Variants in PTGR1 observed in about 807,000 individuals in gnomAD.
The protein encoded by PTGR1 is 15-oxoprostaglandin 13-reductase.
PTGR1 carries 23 observed loss-of-function variants against 37.7 expected under a neutral mutation model. The ratio of observed to expected loss-of-function variants is 0.61; its 90% confidence interval spans 0.44 to 0.86. The LOEUF is 0.86. PTGR1 is among the 40% of genes least tolerant of loss of function. The pLI, the probability that PTGR1 is intolerant of heterozygous loss-of-function variation, is 0.00. For synonymous variants in PTGR1, 134 were observed against 140.0 expected, an observed-to-expected ratio of 0.96 and a Z score of 0.30; for missense variants, 351 against 394.3, an observed-to-expected ratio of 0.89 and a Z score of 0.93.
At position 111,574,762 on chromosome 9, in the gene PTGR1, T is replaced by A. The variant is rs528897016; in HGVS notation, c.732A>T (p.Thr244=). The stretch of plus-strand genomic sequence containing the variant: ...GGGGAAGTGGGCCGGTTCTGTTATA[T>A]GTAGAGATGGCTCCACATATGGCAA... ...GRIAICGAIS[T]YNRTGPLPPG... is the part of the protein sequence containing the mutation. The change falls in exon 8 of 10, where the codon ACA becomes ACT. Residue 244 remains threonine (T), a synonymous_variant. Transcript: ENST00000407693. The A allele has an allele frequency of 1.2e-6, 2 of 1,613,992 alleles. No homozygotes were observed. Among genetic ancestry groups the A allele is most frequent in the South Asian group, 2.2e-5 (2 of 91,058 alleles).
At chr9:111,568,946 A>C (rs1379264760) in intron 9 of PTGR1, among the ~76,000 whole-genome samples, 2 of 152,252 alleles carry the variant, frequency 1.3e-5, no homozygotes, top group African/African-American at 4.8e-5. Context: ...GAATCTCCTT[A>C]GAGATTAGAC....
intron 6 of PTGR1, 113 bp downstream of exon 6, chr9:111,583,359 A>G (rs1346390224): frequency 2.4e-6 from 2 of 839,484 alleles, no homozygotes; most frequent in Non-Finnish European, 3.9e-6. Context: ...TCCAACTTCT[A>G]AAGAAGACAA....
chr9:111,582,096 T>C (rs1829298682), intron 6 of PTGR1, among the ~76,000 whole-genome samples: 1 of 151,648 alleles, frequency 6.6e-6, no homozygotes. Flanking sequence ...ACAAAGAAAA[T>C]ATCACAGAAA....
rs753685667 is a variant in PTGR1, at chr9:111,586,122, C to T, written c.253G>A (p.Val85Ile). Residue 85 changes from valine (V) to isoleucine (I), a missense_variant, in exon 5 of 10, where the codon GTA (valine) becomes ATA (isoleucine). By Grantham distance (29) the Val-to-Ile change is conservative. Transcript: ENST00000407693. ...KNVALPKGTIVLASPGWTTHS... is the reference protein window; with the variant it reads ...KNVALPKGTIILASPGWTTHS... ...GTTGTCCAGCCTGGAGAAGCCAGTA[C>T]AATAGTTCCTTTTGGTAGGGCTACA... 3.1e-6 allele frequency: 5 copies of T among 1,614,018 alleles called. No individual in the cohort carries two copies. The highest frequency in any genetic ancestry group is 1.3e-5 in the African/African-American group (1 of 74,914).
rs376150269 is a variant in PTGR1 at position 111,581,282 on chromosome 9, G to A, written c.495+2190C>T. Among the ~76,000 whole-genome samples, 164 of 152,196 alleles carry A rather than the reference G, an allele frequency of 1.1e-3. 2 individuals are homozygous for A. Among genetic ancestry groups the A allele is most frequent in the African/African-American group, 3.8e-3 (159 of 41,526 alleles). ...AGAGCATACAAGAATAGTCCTAAGGGAAACAGAATGAACATATACCATTCC... is the reference window on the plus strand; with the variant it reads ...AGAGCATACAAGAATAGTCCTAAGGAAAACAGAATGAACATATACCATTCC... On this transcript the variant is annotated intron_variant, in intron 6 of 9. Transcript: ENST00000407693.
chr9:111,578,712 C>A (rs1829165863), intron 7 of PTGR1, 84 bp downstream of exon 7: 1 of 1,251,618 alleles, frequency 8.0e-7, no homozygotes, highest in African/African-American at 1.5e-5. Flanking sequence ...GGACCACTAA[C>A]CATCCATGGC....
rs1829062299 is a variant in PTGR1 at position 111,576,521 on chromosome 9, G to T, written c.652-1679C>A. On this transcript the variant is annotated intron_variant, in intron 7 of 9. Coordinates refer to ENST00000407693, the MANE Select transcript of PTGR1 (RefSeq NM_001146108.2). ...CTGGTTCGGGGAAGAGCTGGATGGA[G>T]TATGAATCCCAACTCTGGGGGTATT... 6 of 1,463,250 alleles carry T rather than the reference G, an allele frequency of 4.1e-6. No individual in the cohort carries two copies. The South Asian group carries it at 7.4e-5, about 18-fold the overall frequency. The allele number at this position is 1,463,250 out of a possible 1,614,324, so 90.6% of individuals were successfully genotyped here. A position where few individuals can be genotyped will look rare whatever the true frequency, so the allele number is the denominator to read the frequency against.
chr9:111,554,663 T>C (rs1364213511), intron 9 of PTGR1, among the ~76,000 whole-genome samples: 1 of 152,204 alleles, frequency 6.6e-6, no homozygotes, highest in Non-Finnish European at 1.5e-5. Context: ...ATTTGTGTCC[T>C]AGGAGGCACG....
intron 4 of PTGR1, chr9:111,592,669 G>T: frequency 2.4e-6 from 1 of 413,376 alleles, no homozygotes; most frequent in Non-Finnish European, 4.2e-6. Context: ...ATCATGACCT[G>T]GACAAATACT....
chr9:111,570,328 T>TCCATTTCC, intron 8 of PTGR1, 119 bp from the exon 9 acceptor site: 1 of 1,431,060 alleles, frequency 7.0e-7, no homozygotes, highest in African/African-American at 1.4e-5. Flanking sequence ...CTTCTCCCCT[T>TCCATTTCC]CCATTTCCTC....
intron 4 of PTGR1, 111 bp from the exon 5 acceptor site, chr9:111,586,276 C>T (rs964819132): frequency 7.8e-6 from 8 of 1,026,386 alleles, no homozygotes; most frequent in Non-Finnish European, 1.2e-5. Context: ...GGTTGATATT[C>T]CACAACTGAT....
At chr9:111,594,191 T>A (rs750212225) in intron 3 of PTGR1, 31 bp downstream of exon 3, 3 of 1,588,588 alleles carry the variant, frequency 1.9e-6, no homozygotes, top group South Asian at 2.2e-5. Flanking sequence ...TAACACAGCA[T>A]TAGCATTTTG....
intron 9 of PTGR1, chr9:111,563,968 T>A (rs1828430754): frequency 6.3e-6 from 1 of 157,510 alleles, no homozygotes; most frequent in South Asian, 2.1e-4. Flanking sequence ...TCTAATAATC[T>A]GTCTCCCCTT....
chr9:111,575,966 C>A (rs1369419846), intron 7 of PTGR1, among the ~76,000 whole-genome samples: 3 of 151,714 alleles, frequency 2.0e-5, no homozygotes, highest in African/African-American at 7.3e-5. Flanking sequence ...CCAGCCTGGG[C>A]AACATAGTGA....
chr9:111,550,266 C>T (rs2132277055), intron 9 of PTGR1, among the ~76,000 whole-genome samples: 1 of 152,026 alleles, frequency 6.6e-6, no homozygotes, highest in Non-Finnish European at 1.5e-5. Context: ...TCCCTTTTTT[C>T]TCCTGGAAGC....
chr9:111,563,033 A>G lies in PTGR1; in HGVS notation c.*88T>C. 1 of 1,529,350 alleles carries G rather than the reference A, an allele frequency of 6.5e-7. No homozygotes were observed. The highest frequency in any genetic ancestry group is 8.8e-7 in the Non-Finnish European group (1 of 1,138,964). 94.7% of individuals were successfully genotyped at this position (1,529,350 alleles called of 1,614,324 possible). ...CATTATGAGTACTATTTCTTAAGAC[A>G]TTTAAGGTAGTATACATTTTTGCTA... On this transcript the variant is annotated 3_prime_UTR_variant, in exon 10 of 10. Transcript: ENST00000407693.
At chr9:111,579,079 G>A in intron 6 of PTGR1, 128 bp from the exon 7 acceptor site, 1 of 869,414 alleles carries the variant, frequency 1.2e-6, no homozygotes, top group Non-Finnish European at 1.7e-6. Flanking sequence ...ACATATAAAA[G>A]GAATACCATA....
chr9:111,555,677 AG>A (rs1208444145), intron 9 of PTGR1, among the ~76,000 whole-genome samples: 1 of 150,870 alleles, frequency 6.6e-6, no homozygotes, highest in Non-Finnish European at 1.5e-5. Flanking sequence ...GAGAGCAAAA[AG>A]GGGGAAGTGC....
At chr9:111,583,438 G>T in intron 6 of PTGR1, 34 bp downstream of exon 6, 1 of 1,527,114 alleles carries the variant, frequency 6.5e-7, no homozygotes, top group South Asian at 1.1e-5. Context: ...AATGGGTTTT[G>T]AATAAAGGCT....
Sources: allele counts gnomAD v4.1 joint callset (sites outside exome capture counted in the v4.1 genomes callset), GRCh38; gene constraint gnomAD v4.1.1; transcripts MANE v1.5; gene names NCBI Gene and HGNC (gene_info 2026-07-23, HGNC 2026-07-21).